The following CDH12 variants were observed in gnomAD, a reference collection of about 807,000 sequenced individuals.
CDH12 encodes cadherin-12.
CDH12 carries 41 observed loss-of-function variants against 74.1 expected under a neutral mutation model. The ratio of observed to expected loss-of-function variants is 0.55; its 90% CI spans 0.43 to 0.72. The LOEUF (loss-of-function observed/expected upper bound fraction) is 0.72. Among genes scored for constraint, CDH12 ranks in the 30% least tolerant of loss-of-function variants. The pLI is 0.00. For synonymous variants in CDH12, 399 were observed against 355.0 expected (o/e 1.12, Z -1.39); for missense variants, 945 against 977.2 (o/e 0.97, Z 0.44).
Position 21,907,695 on chromosome 5 carries a change from T to C in CDH12, c.527-52905A>G, listed in dbSNP as rs78585856. Among the ~76,000 whole-genome samples, 32 of 152,290 alleles carry C rather than the reference T, an allele frequency of 2.1e-4. No individual in the cohort carries two copies. The East Asian group carries it at 4.3e-3, about 20-fold the overall frequency. Reference sequence around the variant, plus strand: ...CCCTAGGGCAGGATATTGGTAGAAATAGGATTCAGGATAAAACTTCTGCTG... The same window carrying C: ...CCCTAGGGCAGGATATTGGTAGAAACAGGATTCAGGATAAAACTTCTGCTG... On this transcript the variant is annotated intron_variant, in intron 6 of 14. Coordinates refer to ENST00000382254, the MANE Select transcript of CDH12 (RefSeq NM_004061.5).
chr5:22,747,607 CAA>C (rs34948688), intron 1 of CDH12, among the ~76,000 whole-genome samples: 3 of 110,920 alleles, frequency 2.7e-5, no homozygotes, highest in Non-Finnish European at 3.5e-5. Flanking sequence ...GAGACGCTGC[CAA>C]AAAAAAAAAA....
At chr5:21,855,342 G>A (rs1750698258) in intron 6 of CDH12, among the ~76,000 whole-genome samples, 1 of 151,656 alleles carries the variant, frequency 6.6e-6, no homozygotes, top group Admixed American at 6.6e-5. Flanking sequence ...CCTCAAGATT[G>A]AATTAACCTA....
At chr5:22,736,150 T>C (rs2127010418) in intron 1 of CDH12, among the ~76,000 whole-genome samples, 1 of 151,954 alleles carries the variant, frequency 6.6e-6, no homozygotes, top group South Asian at 2.1e-4. Flanking sequence ...TAAAATGTCA[T>C]TTTGTATGCA....
intron 5 of CDH12, among the ~76,000 whole-genome samples, chr5:21,990,076 G>A (rs958604241): frequency 2.0e-5 from 3 of 152,134 alleles, no homozygotes; most frequent in Non-Finnish European, 2.9e-5. Context: ...ATTTCTATCA[G>A]AGTTGGTCTA....
At chr5:22,056,529 A>G (rs1740755351) in intron 5 of CDH12, among the ~76,000 whole-genome samples, 1 of 152,184 alleles carries the variant, frequency 6.6e-6, no homozygotes, top group Non-Finnish European at 1.5e-5. Context: ...AATCGTGGAA[A>G]TGAGAATCTA....
Position 22,683,493 on chromosome 5 carries a change from T to G in CDH12, c.-523+169565A>C, listed in dbSNP as rs1741604646. Among the ~76,000 whole-genome samples, 4 of 152,210 alleles carry G rather than the reference T, an allele frequency of 2.6e-5. No individual in the cohort carries two copies. The South Asian group carries it at 8.3e-4, about 31-fold the overall frequency. On this transcript the variant is annotated intron_variant, in intron 1 of 14. Coordinates refer to ENST00000382254, the MANE Select transcript of CDH12 (RefSeq NM_004061.5). ...TGCTGCAGTTTCTTCATTTCATTTA[T>G]GCTTATAACAGATATATGCTTATAA...
chr5:22,305,472 C>T (rs1429893336), intron 3 of CDH12, among the ~76,000 whole-genome samples: 1 of 152,142 alleles, frequency 6.6e-6, no homozygotes, highest in Non-Finnish European at 1.5e-5. Context: ...GGCAGCAGGA[C>T]TGGTTGAAGT....
chr5:21,875,051 T>C (rs562039116), intron 6 of CDH12, among the ~76,000 whole-genome samples: 7 of 152,268 alleles, frequency 4.6e-5, no homozygotes, highest in African/African-American at 1.7e-4. Flanking sequence ...CCAGTCAGAA[T>C]GGTGATTATT....
chr5:22,226,171 C>A (rs1456100233), intron 3 of CDH12, among the ~76,000 whole-genome samples: 1 of 151,586 alleles, frequency 6.6e-6, no homozygotes, highest in Non-Finnish European at 1.5e-5. Context: ...TCTGCAAGGG[C>A]GGACCTCTCT....
At chr5:22,654,275 A>G (rs184982443) in intron 1 of CDH12, among the ~76,000 whole-genome samples, 310 of 114,044 alleles carry the variant, frequency 2.7e-3, no homozygotes, top group Non-Finnish European at 4.6e-3. Context: ...TCTTTCTTTT[A>G]CGTATTTCTT....
intron 1 of CDH12, among the ~76,000 whole-genome samples, chr5:22,533,879 CATA>C (rs1445614986): frequency 1.3e-5 from 2 of 152,114 alleles, no homozygotes; most frequent in African/African-American, 2.4e-5. Flanking sequence ...TATACACAGA[CATA>C]ATATTTACAT....
At chr5:22,793,936 C>A (rs979106633) in intron 1 of CDH12, among the ~76,000 whole-genome samples, 1 of 152,080 alleles carries the variant, frequency 6.6e-6, no homozygotes, top group African/African-American at 2.4e-5. Flanking sequence ...ATCTGCATGT[C>A]CTATAAGAAT....
At chr5:22,811,792 A>G (rs1749160888) in intron 1 of CDH12, among the ~76,000 whole-genome samples, 1 of 152,134 alleles carries the variant, frequency 6.6e-6, no homozygotes. Context: ...AACTCAGAAG[A>G]GGGAAATTAT....
intron 4 of CDH12, among the ~76,000 whole-genome samples, chr5:22,126,540 T>C (rs1299753755): frequency 1.3e-5 from 2 of 152,202 alleles, no homozygotes; most frequent in Non-Finnish European, 2.9e-5. Flanking sequence ...TAAAAAAAAC[T>C]TATATACACT....
intron 1 of CDH12, among the ~76,000 whole-genome samples, chr5:22,513,423 G>C (rs914734302): frequency 6.6e-6 from 1 of 151,862 alleles, no homozygotes; most frequent in African/African-American, 2.4e-5. Context: ...CACTCTCCAG[G>C]CCCTTAGTGT....
chr5:22,744,527 ATTAT>A (rs1745199247), intron 1 of CDH12, among the ~76,000 whole-genome samples: 1 of 152,210 alleles, frequency 6.6e-6, no homozygotes, highest in Non-Finnish European at 1.5e-5. Context: ...TATATTTTAC[ATTAT>A]TTATTTTACA....
chr5:22,496,824 AT>A (rs909700176), intron 2 of CDH12, among the ~76,000 whole-genome samples: 12 of 151,782 alleles, frequency 7.9e-5, no homozygotes, highest in Admixed American at 4.6e-4. Flanking sequence ...TGCTCTTTTT[AT>A]TTTTCTTCAT....
intron 4 of CDH12, among the ~76,000 whole-genome samples, chr5:22,172,115 G>T (rs1487747354): frequency 6.6e-6 from 1 of 151,822 alleles, no homozygotes; most frequent in Admixed American, 6.6e-5. Flanking sequence ...TATAGCATCT[G>T]GGAAAAAGAA....
At chr5:22,111,709 GA>G (rs1744826139) in intron 4 of CDH12, among the ~76,000 whole-genome samples, 1 of 152,126 alleles carries the variant, frequency 6.6e-6, no homozygotes, top group South Asian at 2.1e-4. Context: ...TGCTTATGTG[GA>G]AGAGACACTT....
Sources: gnomAD v4.1 joint callset for allele counts (sites outside exome capture counted in the v4.1 genomes callset) on GRCh38, gnomAD v4.1.1 for gene constraint, MANE v1.5 for transcripts, NCBI Gene and HGNC (gene_info 2026-07-23, HGNC 2026-07-21) for gene names.